Variants in GALR2 observed in about 807,000 individuals in gnomAD.
The protein encoded by GALR2 is galanin receptor type 2.
Under a neutral mutation model 7.2 loss-of-function variants are expected in GALR2, and 5 were observed. The ratio of observed to expected loss-of-function variants is 0.69; its 90% CI spans 0.36 to 1.45. The LOEUF (loss-of-function observed/expected upper bound fraction) is 1.45, where lower values mean the gene tolerates loss of function less well. Among genes scored for constraint, GALR2 ranks in the 40% most tolerant of loss-of-function variants. The probability of loss-of-function intolerance (pLI) is 0.03; values close to 1 mark genes in which losing one functional copy is unlikely to be tolerated. For missense variants in GALR2, 561 were observed against 555.7 expected, an observed-to-expected ratio of 1.01 and a Z score of -0.10; for synonymous variants, 300 against 263.9, an observed-to-expected ratio of 1.14 and a Z score of -1.32.
chr17:76,076,869 TG>T lies in GALR2; in HGVS notation c.604del (p.Val202PhefsTer4), dbSNP rs2066891745. Reference sequence around the variant, plus strand: ...GTCTTCAGCTACCTGCTTCCTGTGCTGGTTCTCGGCCTGACCTACGCGCGCA... The same window carrying T: ...GTCTTCAGCTACCTGCTTCCTGTGCTGTTCTCGGCCTGACCTACGCGCGCA... The part of the protein sequence containing the change: ...TFVFSYLLPV[L>X]VLGLTYARTL... On this transcript the variant is annotated frameshift_variant, in exon 2 of 2. Transcript: ENST00000329003. LOFTEE classifies it low-confidence loss of function (END_TRUNC). This position sits in a 1 kb window ranked among gnomAD's most constrained non-coding sequence, Gnocchi z 6.5. 1.9e-6 allele frequency: 3 copies of T among 1,604,060 alleles called. No homozygotes were observed. Among genetic ancestry groups the T allele is most frequent in the Non-Finnish European group, 2.5e-6 (3 of 1,179,376 alleles).
rs746414961 is a variant in GALR2 at position 76,077,204 on chromosome 17, C to T, written c.937C>T (p.Arg313Cys). 3.1e-6 allele frequency: 5 copies of T among 1,609,078 alleles called. 1 individual carries two copies. In the South Asian group the frequency reaches 4.4e-5, roughly 14 times the overall value. ...CACGATCTGCGCGGGCCTGCTGGGCCGTGCCCCAGGCCGAGCCTCGGGCCG... is the reference window on the plus strand; with the variant it reads ...CACGATCTGCGCGGGCCTGCTGGGCTGTGCCCCAGGCCGAGCCTCGGGCCG... ...FRTICAGLLG[R>C]APGRASGRVC... The change falls in exon 2 of 2, where the codon CGT (arginine) becomes TGT (cysteine). Residue 313 changes from arginine to cysteine, a missense_variant. Physicochemically the swap from Arg to Cys is radical, Grantham distance 180 (BLOSUM62 -3). Transcript: ENST00000329003.
rs139644215 is a variant in GALR2 at position 76,075,140 on chromosome 17, A to G, written c.257A>G (p.Tyr86Cys). The stretch of plus-strand genomic sequence containing the variant: ...TGCGTGCCCTTCCAGGCCACCATCT[A>G]CACCCTGGACGGCTGGGTGTTCGGC... ...LCCVPFQATI[Y>C]TLDGWVFGSL... The change falls in exon 1 of 2, where the codon TAC (tyrosine) becomes TGC (cysteine). Residue 86 changes from tyrosine (Y) to cysteine (C), a missense_variant. Tyr to Cys is a radical substitution (Grantham distance 194, BLOSUM62 -2). Transcript: ENST00000329003. The surrounding 1 kb of genome is among the most constrained non-coding windows in gnomAD (Gnocchi z 5.9). 1.6e-3 allele frequency: 2,555 copies of G among 1,612,540 alleles called. 4 individuals are homozygous for G. Among genetic ancestry groups the G allele is most frequent in the Non-Finnish European group, 2.0e-3 (2,333 of 1,179,968 alleles).
Position 76,077,237 on chromosome 17 carries a change from G to C in GALR2, c.970G>C (p.Ala324Pro). Residue 324 changes from alanine to proline, a missense_variant, in exon 2 of 2, where the codon GCT becomes CCT. By Grantham distance (27) the Ala-to-Pro change is conservative. Coordinates refer to ENST00000329003, the MANE Select transcript of GALR2 (RefSeq NM_003857.4). The part of the protein sequence containing the change: ...APGRASGRVC[A>P]AARGTHSGSV... ...AGGCCGAGCCTCGGGCCGTGTGTGCGCTGCCGCGCGGGGCACCCACAGTGG... is the reference window on the plus strand; with the variant it reads ...AGGCCGAGCCTCGGGCCGTGTGTGCCCTGCCGCGCGGGGCACCCACAGTGG... 2 of 1,605,428 alleles carry C rather than the reference G, an allele frequency of 1.2e-6. No homozygotes were observed. Among genetic ancestry groups the C allele is most frequent in the South Asian group, 2.2e-5 (2 of 90,396 alleles).
chr17:76,077,331 G>T lies in GALR2; in HGVS notation c.1064G>T (p.Cys355Phe), dbSNP rs774391668. The change falls in exon 2 of 2, where the codon TGC (cysteine) becomes TTC (phenylalanine). Residue 355 changes from cysteine (C) to phenylalanine (F), a missense_variant. Physicochemically the swap from Cys to Phe is radical, Grantham distance 205. Coordinates refer to ENST00000329003, the MANE Select transcript of GALR2 (RefSeq NM_003857.4). ...GAGGCGGCGGGGGCCCTTCGTCCCT[G>T]CCCCGGCGCTTCCCAGCCATGCATC... ...MSEAAGALRP[C>F]PGASQPCILE... 6.4e-7 allele frequency: 1 copy of T among 1,565,700 alleles called. No individual in the cohort carries two copies. The highest frequency in any genetic ancestry group is 8.6e-7 in the Non-Finnish European group (1 of 1,163,392).
Position 76,077,166 on chromosome 17 carries a change from GC to G in GALR2, c.900del (p.Gly302AlafsTer44), listed in dbSNP as rs763493769. 5.6e-6 allele frequency: 9 copies of G among 1,612,052 alleles called. No individual in the cohort carries two copies. The South Asian group carries it at 9.9e-5, about 18-fold the overall frequency. On this transcript the variant is annotated frameshift_variant, in exon 2 of 2. Coordinates refer to ENST00000329003, the MANE Select transcript of GALR2 (RefSeq NM_003857.4). LOFTEE classifies it low-confidence loss of function (END_TRUNC). ...IVYALVSKHF[R>X]KGFRTICAGL... ...TACGCGCTGGTCTCCAAGCACTTCC[GC>G]AAAGGCTTCCGCACGATCTGCGCGG...
chr17:76,072,368 C>G (rs768400729), upstream of GALR2: 1 of 1,612,682 alleles, frequency 6.2e-7, no homozygotes, highest in South Asian at 1.1e-5. The surrounding 1 kb of genome is among the most constrained non-coding windows in gnomAD (Gnocchi z 4.5). Context: ...GAAGGGCGTT[C>G]GTTTTCTTTA....
chr17:76,073,145 C>G (rs1254633748), upstream of GALR2, among the ~76,000 whole-genome samples: 2 of 152,140 alleles, frequency 1.3e-5, no homozygotes, highest in African/African-American at 4.8e-5. Context: ...TTTGCACCTT[C>G]TAGAGTCTGA....
At chr17:76,072,179 A>C, upstream of GALR2, 2 of 1,508,220 alleles carry the variant, frequency 1.3e-6, no homozygotes, top group Non-Finnish European at 1.8e-6. The surrounding 1 kb of genome is among the most constrained non-coding windows in gnomAD (Gnocchi z 4.5). Flanking sequence ...ACCAAAAGGT[A>C]AGGGCGAGAG....
chr17:76,072,757 A>T, upstream of GALR2: 1 of 594,490 alleles, frequency 1.7e-6, no homozygotes, highest in Non-Finnish European at 2.8e-6. The surrounding 1 kb of genome is among the most constrained non-coding windows in gnomAD (Gnocchi z 4.5). Context: ...CCCACCTCCC[A>T]CCCACTAAGG....
upstream of GALR2, among the ~76,000 whole-genome samples, chr17:76,074,274 C>T (rs1237682875): frequency 6.6e-6 from 1 of 152,232 alleles, no homozygotes; most frequent in Non-Finnish European, 1.5e-5. The surrounding 1 kb of genome is among the most constrained non-coding windows in gnomAD (Gnocchi z 6.7). Flanking sequence ...CGAGATCGCG[C>T]CACTGCACTC....
upstream of GALR2, chr17:76,074,776 C>T (rs1407811631): frequency 5.7e-6 from 7 of 1,237,664 alleles, no homozygotes; most frequent in Non-Finnish European, 6.5e-6. The surrounding 1 kb of genome is among the most constrained non-coding windows in gnomAD (Gnocchi z 6.7). Flanking sequence ...CGCCTTCAGC[C>T]CGGCAGAGTC....
At position 76,075,014 on chromosome 17, in the gene GALR2, C is replaced by A. The variant is rs775805856; in HGVS notation, c.131C>A (p.Thr44Lys). Residue 44 changes from threonine (T) to lysine (K), a missense_variant, in exon 1 of 2, where the codon ACG becomes AAG. Coordinates refer to ENST00000329003, the MANE Select transcript of GALR2 (RefSeq NM_003857.4). The surrounding 1 kb of genome is among the most constrained non-coding windows in gnomAD (Gnocchi z 5.9). ...TTCCTCGTGGGCACCGTGGGCAACA[C>A]GCTGGTGCTGGCGGTGCTGCTGCGC... Reference protein sequence around the residue: ...LIFLVGTVGNTLVLAVLLRGG... With the variant: ...LIFLVGTVGNKLVLAVLLRGG... The A allele has an allele frequency of 1.8e-5, 29 of 1,609,186 alleles. No homozygotes were observed. Among genetic ancestry groups the A allele is most frequent in the Admixed American group, 8.3e-5 (5 of 59,980 alleles).
Position 76,076,947 on chromosome 17 carries a change from C to G in GALR2, c.680C>G (p.Ala227Gly), listed in dbSNP as rs140278862. 6.9e-6 allele frequency: 11 copies of G among 1,602,134 alleles called. No individual in the cohort carries two copies. The highest frequency in any genetic ancestry group is 9.3e-6 in the Non-Finnish European group (11 of 1,178,442). The change falls in exon 2 of 2, where the codon GCC becomes GGC. Residue 227 changes from alanine to glycine, a missense_variant. Ala to Gly is a moderately conservative substitution (Grantham distance 60, BLOSUM62 0). Transcript: ENST00000329003. This position sits in a 1 kb window ranked among gnomAD's most constrained non-coding sequence, Gnocchi z 6.5. Reference protein sequence around the residue: ...AVDPVAAGSGARRAKRKVTRM... With the variant: ...AVDPVAAGSGGRRAKRKVTRM... ...GACCCGGTGGCCGCGGGCTCGGGTG[C>G]CCGGCGCGCCAAGCGCAAGGTGACA...
chr17:76,076,443 T>G lies in GALR2; in HGVS notation c.369-193T>G, dbSNP rs962082671. The stretch of plus-strand genomic sequence containing the variant: ...CGCCCCATTTCCAGGCTCCGCTGAG[T>G]GTCTGGGACACGCTGGGAGGCCCCC... On this transcript the variant is annotated intron_variant, in intron 1 of 1. Transcript: ENST00000329003. The surrounding 1 kb of genome is among the most constrained non-coding windows in gnomAD (Gnocchi z 6.5). Among the ~76,000 whole-genome samples the G allele has an allele frequency of 3.3e-5, 5 of 152,028 alleles. No homozygotes were observed. Among genetic ancestry groups the G allele is most frequent in the Non-Finnish European group, 7.4e-5 (5 of 67,982 alleles).
At position 76,077,338 on chromosome 17, in the gene GALR2, C is replaced by A. The variant is rs1269929586; in HGVS notation, c.1071C>A (p.Gly357=). 2 of 1,556,662 alleles carry A rather than the reference C, an allele frequency of 1.3e-6. No individual in the cohort carries two copies. Among genetic ancestry groups the A allele is most frequent in the South Asian group, 1.2e-5 (1 of 85,302 alleles). The change falls in exon 2 of 2, where the codon GGC becomes GGA. Residue 357 remains glycine (G), a synonymous_variant. Coordinates refer to ENST00000329003, the MANE Select transcript of GALR2 (RefSeq NM_003857.4). ...CGGGGGCCCTTCGTCCCTGCCCCGG[C>A]GCTTCCCAGCCATGCATCCTCGAGC... The part of the protein sequence containing the change: ...EAAGALRPCP[G]ASQPCILEPC...
At chr17:76,072,479 T>G, upstream of GALR2, 5 of 1,582,226 alleles carry the variant, frequency 3.2e-6, no homozygotes, top group Non-Finnish European at 4.3e-6. The surrounding 1 kb of genome is among the most constrained non-coding windows in gnomAD (Gnocchi z 4.5). Context: ...GGGACCTGCT[T>G]CTCAGCAGCC....
At position 76,075,319 on chromosome 17, in the gene GALR2, T is replaced by A; in HGVS notation, c.368+68T>A. 1 of 1,523,504 alleles carries A rather than the reference T, an allele frequency of 6.6e-7. No individual in the cohort carries two copies. Among genetic ancestry groups the A allele is most frequent in the Non-Finnish European group, 8.8e-7 (1 of 1,130,964 alleles). 94.4% of individuals were successfully genotyped at this position (1,523,504 alleles called of 1,614,324 possible). ...CGGGGGATGGAGCGGGAGGCGGGAC[T>A]GGGGACCAAGAAGGGACGCGCAGAG... is the stretch of plus-strand genomic sequence containing the variant. On this transcript the variant is annotated intron_variant, in intron 1 of 1. Transcript: ENST00000329003. This position sits in a 1 kb window ranked among gnomAD's most constrained non-coding sequence, Gnocchi z 5.9.
At position 76,076,956 on chromosome 17, in the gene GALR2, C is replaced by A; in HGVS notation, c.689C>A (p.Ala230Asp). ...PVAAGSGARR[A>D]KRKVTRMILI... ...GCCGCGGGCTCGGGTGCCCGGCGCG[C>A]CAAGCGCAAGGTGACACGCATGATC... Residue 230 changes from alanine to aspartate, a missense_variant, in exon 2 of 2, where the codon GCC becomes GAC. Physicochemically the swap from Ala to Asp is moderately radical, Grantham distance 126 (BLOSUM62 -2). Coordinates refer to ENST00000329003, the MANE Select transcript of GALR2 (RefSeq NM_003857.4). The surrounding 1 kb of genome is among the most constrained non-coding windows in gnomAD (Gnocchi z 6.5). 1 of 1,603,306 alleles carries A rather than the reference C, an allele frequency of 6.2e-7. No individual in the cohort carries two copies. Among genetic ancestry groups the A allele is most frequent in the South Asian group, 1.1e-5 (1 of 90,992 alleles).
Position 76,076,524 on chromosome 17 carries a change from T to C in GALR2, c.369-112T>C, listed in dbSNP as rs2066889163. The C allele has an allele frequency of 1.5e-6, 1 of 679,528 alleles. No individual in the cohort carries two copies. Among genetic ancestry groups the C allele is most frequent in the East Asian group, 2.7e-5 (1 of 36,494 alleles). 42.1% of individuals were successfully genotyped at this position (679,528 alleles called of 1,614,324 possible). ...ACCTCCTCTGTGTGCGGTGTAACCA[T>C]GCGCTAAGGACCTTCCTCGAGAGCA... On this transcript the variant is annotated intron_variant, in intron 1 of 1. Transcript: ENST00000329003. This position sits in a 1 kb window ranked among gnomAD's most constrained non-coding sequence, Gnocchi z 6.5.
Sources: gnomAD v4.1 joint callset for allele counts (sites outside exome capture counted in the v4.1 genomes callset) on GRCh38, gnomAD v4.1.1 for gene constraint, Gnocchi (gnomAD v3.1) non-coding constraint, MANE v1.5 for transcripts, NCBI Gene and HGNC (gene_info 2026-07-23, HGNC 2026-07-21) for gene names.